KPNA1: variants seen among roughly 807,000 people sequenced by gnomAD.
KPNA1 encodes the protein karyopherin subunit alpha 1, also known as importin subunit alpha-5.
Under a neutral mutation model 70.5 loss-of-function variants are expected in KPNA1, and 10 were observed. The ratio of observed to expected loss-of-function variants is 0.14; its 90% CI spans 0.09 to 0.24. The LOEUF (loss-of-function observed/expected upper bound fraction) is 0.24, where lower values mean the gene tolerates loss of function less well. KPNA1 is among the 10% of genes least tolerant of loss of function. The probability of loss-of-function intolerance (pLI) is 1.00; values close to 1 mark genes in which losing one functional copy is unlikely to be tolerated. For synonymous variants in KPNA1, 192 were observed against 221.9 expected, an observed-to-expected ratio of 0.87 and a Z score of 1.20; for missense variants, 397 against 637.9, an observed-to-expected ratio of 0.62 and a Z score of 4.07.
rs1398467927 is a variant in KPNA1 at position 122,484,183 on chromosome 3, A to G, written c.129+12254T>C. Among the ~76,000 whole-genome samples, 5 of 152,324 alleles carry G rather than the reference A, an allele frequency of 3.3e-5. No homozygotes were observed. In the East Asian group the frequency reaches 9.6e-4, roughly 29 times the overall value. Reference sequence around the variant, plus strand: ...GTATGCAGTAACTTAACATTTTAAGATACTGGTACTGGACAGCCTCTTAAA... The same window carrying G: ...GTATGCAGTAACTTAACATTTTAAGGTACTGGTACTGGACAGCCTCTTAAA... On this transcript the variant is annotated intron_variant, in intron 2 of 13. Coordinates refer to ENST00000344337, the MANE Select transcript of KPNA1 (RefSeq NM_002264.4).
intron 2 of KPNA1, among the ~76,000 whole-genome samples, chr3:122,477,018 G>A (rs961677156): frequency 6.6e-6 from 1 of 152,086 alleles, no homozygotes; most frequent in Non-Finnish European, 1.5e-5. Flanking sequence ...GCCAAGATAT[G>A]GAATCAACCT....
chr3:122,448,055 CAAT>C (rs1174378507), intron 9 of KPNA1, among the ~76,000 whole-genome samples: 1 of 152,142 alleles, frequency 6.6e-6, no homozygotes, highest in African/African-American at 2.4e-5. Context: ...ATCAAAACCA[CAAT>C]GAGATACTAT....
rs376471507 is a variant in KPNA1, at chr3:122,486,671, T to C, written c.129+9766A>G. Among the ~76,000 whole-genome samples the C allele has an allele frequency of 2.0e-5, 3 of 152,100 alleles. No homozygotes were observed. The South Asian group carries it at 6.2e-4, about 32-fold the overall frequency. ...GGCGCGATCTCAGCTCACTGCAAGCTCCACCTCCCAGGTTCACGCCATTCT... is the reference window on the plus strand; with the variant it reads ...GGCGCGATCTCAGCTCACTGCAAGCCCCACCTCCCAGGTTCACGCCATTCT... On this transcript the variant is annotated intron_variant, in intron 2 of 13. Transcript: ENST00000344337.
chr3:122,511,487 A>T (rs915001207), intron 1 of KPNA1, among the ~76,000 whole-genome samples: 1 of 152,224 alleles, frequency 6.6e-6, no homozygotes, highest in Non-Finnish European at 1.5e-5. Context: ...GTTGTTTTGT[A>T]GGTTTGTAAC....
chr3:122,482,209 C>T (rs915126263), intron 2 of KPNA1, among the ~76,000 whole-genome samples: 2 of 152,174 alleles, frequency 1.3e-5, no homozygotes, highest in African/African-American at 4.8e-5. Context: ...TTGTACAGCA[C>T]GTTACTGTAC....
chr3:122,442,292 ACTGT>A (rs1183999222), intron 9 of KPNA1, among the ~76,000 whole-genome samples, 176 bp from the exon 10 acceptor site: 5 of 152,174 alleles, frequency 3.3e-5, no homozygotes, highest in African/African-American at 1.2e-4. Flanking sequence ...GTTCCCTAGA[ACTGT>A]CTTTCCCCTT....
rs1235843160 is a variant in KPNA1 at position 122,463,926 on chromosome 3, C to T, written c.337+16G>A. 6.9e-7 allele frequency: 1 copy of T among 1,446,764 alleles called. No homozygotes were observed. The highest frequency in any genetic ancestry group is 1.2e-5 in the South Asian group (1 of 84,752). The allele number at this position is 1,446,764 out of a possible 1,614,324, so 89.6% of individuals were successfully genotyped here. On this transcript the variant is annotated intron_variant, in intron 4 of 13. Coordinates refer to ENST00000344337, the MANE Select transcript of KPNA1 (RefSeq NM_002264.4). ...TAGAGAGATGAAAAAATATACTGAA[C>T]ATATTCATAGCTCACCTTTTGAAAG...
intron 9 of KPNA1, among the ~76,000 whole-genome samples, chr3:122,445,774 C>A (rs1447336083): frequency 2.0e-5 from 3 of 151,936 alleles, no homozygotes; most frequent in African/African-American, 7.3e-5. Context: ...TTCAGGAGAC[C>A]CATCTCACGT....
intron 2 of KPNA1, among the ~76,000 whole-genome samples, chr3:122,476,107 T>C (rs1227149481): frequency 4.6e-5 from 7 of 152,148 alleles, no homozygotes; most frequent in African/African-American, 7.2e-5. Context: ...AGCAATGGAA[T>C]AGAATAAACA....
chr3:122,462,939 C>T (rs551933653), intron 4 of KPNA1, among the ~76,000 whole-genome samples: 1 of 152,222 alleles, frequency 6.6e-6, no homozygotes, highest in Non-Finnish European at 1.5e-5. Flanking sequence ...AAAGTACTTA[C>T]CAGCCGGGTG....
intron 2 of KPNA1, among the ~76,000 whole-genome samples, chr3:122,489,429 GCGTGCGC>G: frequency 6.6e-6 from 1 of 151,650 alleles, no homozygotes; most frequent in South Asian, 2.1e-4. Flanking sequence ...TAGGACTATA[GCGTGCGC>G]CACTAAGCCT....
intron 12 of KPNA1, among the ~76,000 whole-genome samples, chr3:122,429,999 CTT>C (rs965146905): frequency 1.3e-5 from 2 of 151,908 alleles, no homozygotes; most frequent in Admixed American, 6.6e-5. Context: ...AAAGACCTAT[CTT>C]TAAGTTTAGT....
In KPNA1 at chr3:122,453,803, T is replaced by G. The variant is rs561730457; in HGVS notation, c.564+67A>C. The G allele has an allele frequency of 2.7e-6, 4 of 1,507,862 alleles. No individual in the cohort carries two copies. In the South Asian group the frequency reaches 5.1e-5, roughly 19 times the overall value. The allele number at this position is 1,507,862 out of a possible 1,614,324, so 93.4% of individuals were successfully genotyped here. A position where few individuals can be genotyped will look rare whatever the true frequency, so the allele number is the denominator to read the frequency against. ...CCTTGGCCTCCCAAAATGTTGGGAT[T>G]ACAGGAGTGAGCGACATGCCCAGCC... On this transcript the variant is annotated intron_variant, in intron 6 of 13. Coordinates refer to ENST00000344337, the MANE Select transcript of KPNA1 (RefSeq NM_002264.4).
intron 12 of KPNA1, among the ~76,000 whole-genome samples, chr3:122,431,805 C>CTT (rs199643020): frequency 0.019 from 2,708 of 144,680 alleles, 88 homozygotes; most frequent in African/African-American, 0.065. Flanking sequence ...TCTTCTTCTT[C>CTT]TTTTTTTTTT....
intron 9 of KPNA1, among the ~76,000 whole-genome samples, chr3:122,448,645 TGAC>T (rs1232287726): frequency 6.6e-6 from 1 of 151,818 alleles, no homozygotes; most frequent in African/African-American, 2.4e-5. Flanking sequence ...CTAATGTAAA[TGAC>T]GAGTTAATTG....
intron 3 of KPNA1, among the ~76,000 whole-genome samples, chr3:122,465,109 T>C (rs1210049769): frequency 6.6e-6 from 1 of 152,196 alleles, no homozygotes; most frequent in Non-Finnish European, 1.5e-5. Flanking sequence ...CATTACACTA[T>C]TTAAGTATTG....
chr3:122,489,286 T>G lies in KPNA1; in HGVS notation c.129+7151A>C, dbSNP rs536553194. On this transcript the variant is annotated intron_variant, in intron 2 of 13. Transcript: ENST00000344337. ...TTTTTATACCTTTTTACTTTGTTTG[T>G]TTTTTTTTGTTTGTTTTTTTTTTAA... 6.5e-4 allele frequency among the ~76,000 whole-genome samples: 97 copies of G among 148,896 alleles called. 1 individual carries two copies. Among genetic ancestry groups the G allele is most frequent in the African/African-American group, 1.2e-3 (50 of 40,584 alleles).
chr3:122,459,001 G>A (rs532465946), intron 5 of KPNA1, among the ~76,000 whole-genome samples: 155 of 152,242 alleles, frequency 1.0e-3, no homozygotes, highest in African/African-American at 3.6e-3. Flanking sequence ...TATCACTTCC[G>A]GAGGAATCAT....
At chr3:122,486,726 T>C (rs1388091958) in intron 2 of KPNA1, among the ~76,000 whole-genome samples, 1 of 152,154 alleles carries the variant, frequency 6.6e-6, no homozygotes, top group East Asian at 1.9e-4. Context: ...TAGCTGGGAC[T>C]ACAGGCACCG....
Sources: allele counts gnomAD v4.1 joint callset (sites outside exome capture counted in the v4.1 genomes callset), GRCh38; gene constraint gnomAD v4.1.1; transcripts MANE v1.5; gene names NCBI Gene and HGNC (gene_info 2026-07-23, HGNC 2026-07-21).